SORCS3: variants seen among roughly 807,000 people sequenced by gnomAD.
SORCS3 encodes the protein sortilin related VPS10 domain containing receptor 3.
A neutral mutation model predicts 146.3 loss-of-function variants in SORCS3; 57 were observed. The ratio of observed to expected loss-of-function variants is 0.39; its 90% CI spans 0.31 to 0.49. The LOEUF is 0.49. Among genes scored for constraint, SORCS3 ranks in the 20% least tolerant of loss-of-function variants. The pLI, the probability that SORCS3 is intolerant of heterozygous loss-of-function variation, is 0.92. For missense variants in SORCS3, 1,341 were observed against 1,575.5 expected (o/e 0.85, Z 2.52); for synonymous variants, 653 against 618.5 (o/e 1.06, Z -0.83).
intron 3 of SORCS3, among the ~76,000 whole-genome samples, chr10:104,951,240 T>A (rs1222500596): frequency 2.0e-5 from 3 of 152,236 alleles, no homozygotes; most frequent in Non-Finnish European, 4.4e-5. Context: ...ACTGTAAATT[T>A]CTTGAGGACA....
chr10:104,997,384 T>C (rs1367024407), intron 4 of SORCS3, among the ~76,000 whole-genome samples: 1 of 152,192 alleles, frequency 6.6e-6, no homozygotes, highest in Non-Finnish European at 1.5e-5. Context: ...ATTTGTGTCA[T>C]AACTTTAGAC....
At chr10:105,242,504 A>ATATATATTTATATATATTTATATATATT (rs2056834584) in intron 20 of SORCS3, among the ~76,000 whole-genome samples, 1 of 87,328 alleles carries the variant, frequency 1.1e-5, no homozygotes, top group African/African-American at 4.7e-5. Context: ...ATATATATTT[A>ATATATATTTATATATATTTATATATATT]TATATATTTA....
chr10:105,255,381 G>GTTAA (rs2056925240), intron 23 of SORCS3, among the ~76,000 whole-genome samples: 1 of 151,984 alleles, frequency 6.6e-6, no homozygotes, highest in South Asian at 2.1e-4. Flanking sequence ...TAAATGACGA[G>GTTAA]TTAATGGGTG....
intron 2 of SORCS3, among the ~76,000 whole-genome samples, chr10:104,870,185 C>T (rs1173983280): frequency 1.3e-5 from 2 of 152,200 alleles, no homozygotes; most frequent in Admixed American, 6.5e-5. Flanking sequence ...AGATGAAATA[C>T]ATGTAAATAA....
At chr10:104,795,372 A>G (rs909183521) in intron 1 of SORCS3, among the ~76,000 whole-genome samples, 2 of 152,238 alleles carry the variant, frequency 1.3e-5, no homozygotes, top group Non-Finnish European at 2.9e-5. Flanking sequence ...AGTTTTTTGT[A>G]AAGTTCTTCA....
chr10:104,743,507 C>G (rs891240604), intron 1 of SORCS3, among the ~76,000 whole-genome samples: 1 of 152,144 alleles, frequency 6.6e-6, no homozygotes, highest in Non-Finnish European at 1.5e-5. Context: ...TAATGCGTTC[C>G]TAATGTAGTA....
rs566067650 is a variant in SORCS3, at chr10:104,870,754, C to T, written c.695+27895C>T. On this transcript the variant is annotated intron_variant, in intron 2 of 26. Coordinates refer to ENST00000369701, the MANE Select transcript of SORCS3 (RefSeq NM_014978.3). ...GAGCATGACCTCGCAGGGCTGTGCC[C>T]AGCCTGATTTGAATGGGATGAGGCA... is the stretch of plus-strand genomic sequence containing the variant. Among the ~76,000 whole-genome samples the T allele has an allele frequency of 3.3e-5, 5 of 152,252 alleles. No individual in the cohort carries two copies. In the South Asian group the frequency reaches 1.0e-3, roughly 32 times the overall value.
chr10:104,993,407 A>G (rs1322441584), intron 4 of SORCS3, among the ~76,000 whole-genome samples: 1 of 152,200 alleles, frequency 6.6e-6, no homozygotes, highest in Non-Finnish European at 1.5e-5. Flanking sequence ...TAAGTTATTG[A>G]AACAGGCTTT....
At chr10:104,992,656 A>G (rs2055001600) in intron 4 of SORCS3, among the ~76,000 whole-genome samples, 1 of 152,224 alleles carries the variant, frequency 6.6e-6, no homozygotes, top group Non-Finnish European at 1.5e-5. Context: ...TCACTCATGC[A>G]ACAGGAAATG....
At chr10:104,816,104 T>G (rs192127557) in intron 1 of SORCS3, among the ~76,000 whole-genome samples, 22 of 152,328 alleles carry the variant, frequency 1.4e-4, no homozygotes, top group Admixed American at 4.6e-4. Flanking sequence ...GTATATTACC[T>G]AAAGTGGACT....
At chr10:105,165,822 A>G (rs984472430) in intron 12 of SORCS3, among the ~76,000 whole-genome samples, 2 of 152,094 alleles carry the variant, frequency 1.3e-5, no homozygotes, top group African/African-American at 4.8e-5. Context: ...CCTTTCATAA[A>G]CAGCTAAGGA....
chr10:104,902,905 C>T (rs979889633), intron 2 of SORCS3, among the ~76,000 whole-genome samples: 4 of 152,200 alleles, frequency 2.6e-5, no homozygotes, highest in Non-Finnish European at 5.9e-5. Context: ...CTAATTTTGA[C>T]TCCAAGCATT....
intron 2 of SORCS3, among the ~76,000 whole-genome samples, chr10:104,883,975 T>TG (rs146493237): frequency 0.063 from 9,176 of 144,592 alleles, 339 homozygotes; most frequent in East Asian, 0.12. Flanking sequence ...TGCTGTGGAA[T>TG]GAGGGGGGGG....
At chr10:104,924,774 G>A (rs779490813) in intron 3 of SORCS3, among the ~76,000 whole-genome samples, 1 of 152,150 alleles carries the variant, frequency 6.6e-6, no homozygotes, top group Non-Finnish European at 1.5e-5. Flanking sequence ...TCACTTACCT[G>A]TCCCCTTCTT....
At chr10:105,223,094 C>CTTTTTTT in intron 19 of SORCS3, 22 bp from the exon 20 acceptor site, 1 of 1,575,090 alleles carries the variant, frequency 6.3e-7, no homozygotes, top group Non-Finnish European at 8.7e-7. Flanking sequence ...TAAACACTGA[C>CTTTTTTT]TTTTTTTTTC....
At chr10:104,883,342 G>A (rs1345457971) in intron 2 of SORCS3, among the ~76,000 whole-genome samples, 1 of 152,196 alleles carries the variant, frequency 6.6e-6, no homozygotes. Context: ...AGAGACACAT[G>A]ATTGATCTGG....
At chr10:104,894,039 C>T (rs935512190) in intron 2 of SORCS3, among the ~76,000 whole-genome samples, 1 of 152,036 alleles carries the variant, frequency 6.6e-6, no homozygotes, top group African/African-American at 2.4e-5. Context: ...TTTCACAGAC[C>T]TTTTGGGGGC....
Position 104,973,091 on chromosome 10 carries a change from T to G in SORCS3, c.796-4244T>G, listed in dbSNP as rs1165098920. Among the ~76,000 whole-genome samples the G allele has an allele frequency of 2.6e-5, 4 of 151,754 alleles. No individual in the cohort carries two copies. The East Asian group carries it at 5.8e-4, about 22-fold the overall frequency. Reference sequence around the variant, plus strand: ...GCTTTTTGATGTGCTGCTGGATTCGTTTTGCCAGTATTTTATTGAGGATTT... The same window carrying G: ...GCTTTTTGATGTGCTGCTGGATTCGGTTTGCCAGTATTTTATTGAGGATTT... On this transcript the variant is annotated intron_variant, in intron 3 of 26. Coordinates refer to ENST00000369701, the MANE Select transcript of SORCS3 (RefSeq NM_014978.3).
intron 20 of SORCS3, among the ~76,000 whole-genome samples, chr10:105,233,836 T>C (rs2056778375): frequency 6.6e-6 from 1 of 152,210 alleles, no homozygotes; most frequent in Non-Finnish European, 1.5e-5. Context: ...TGGTTCCAAC[T>C]CTTTGCTATT....
Sources: allele counts gnomAD v4.1 joint callset (sites outside exome capture counted in the v4.1 genomes callset), GRCh38; gene constraint gnomAD v4.1.1; transcripts MANE v1.5; gene names NCBI Gene and HGNC (gene_info 2026-07-23, HGNC 2026-07-21).